FSTL4: variants seen among roughly 807,000 people sequenced by gnomAD.
FSTL4 encodes the protein follistatin like 4.
A neutral mutation model predicts 78.2 loss-of-function variants in FSTL4; 28 were observed. The observed-to-expected ratio is 0.36, with a 90% CI of 0.27 to 0.49. FSTL4 has a LOEUF of 0.49. Among genes scored for constraint, FSTL4 ranks in the 20% least tolerant of loss-of-function variants. The pLI, the probability that FSTL4 is intolerant of heterozygous loss-of-function variation, is 0.98. For missense variants in FSTL4, 922 were observed against 1,084.9 expected, an observed-to-expected ratio of 0.85 and a Z score of 2.11; for synonymous variants, 422 against 440.5, an observed-to-expected ratio of 0.96 and a Z score of 0.53.
chr5:133,438,609 C>T (rs1423019526), intron 3 of FSTL4, among the ~76,000 whole-genome samples: 11 of 152,184 alleles, frequency 7.2e-5, no homozygotes, highest in African/African-American at 2.7e-4. Context: ...CACATGATCA[C>T]AAGTGTGGGA....
intron 4 of FSTL4, among the ~76,000 whole-genome samples, chr5:133,346,174 T>C (rs2126922233): frequency 6.6e-6 from 1 of 151,986 alleles, no homozygotes; most frequent in South Asian, 2.1e-4. Context: ...TTCTTACTCA[T>C]AAGTGGGAGT....
the FSTL4 span, among the ~76,000 whole-genome samples, chr5:133,634,805 C>G: frequency 1.3e-5 from 2 of 152,132 alleles, no homozygotes; most frequent in Admixed American, 6.6e-5. Flanking sequence ...CATGCCTGTT[C>G]CCCCACCGTT....
At chr5:133,455,681 G>T (rs576588390) in intron 3 of FSTL4, among the ~76,000 whole-genome samples, 1 of 152,348 alleles carries the variant, frequency 6.6e-6, no homozygotes, top group Admixed American at 6.5e-5. Context: ...TTTTATGTCA[G>T]CTCAAGACCA....
rs1309565541 is a variant in FSTL4 at position 133,611,438 on chromosome 5, G to A, written c.-11+887C>T. 6.6e-6 allele frequency among the ~76,000 whole-genome samples: 1 copy of A among 152,226 alleles called. No homozygotes were observed. The highest frequency in any genetic ancestry group is 2.4e-5 in the African/African-American group (1 of 41,468). On this transcript the variant is annotated intron_variant, in intron 1 of 15. Coordinates refer to ENST00000265342, the MANE Select transcript of FSTL4 (RefSeq NM_015082.2). The surrounding 1 kb of genome is among the most constrained non-coding windows in gnomAD (Gnocchi z 4.9). ...GTCAGCTCGTCCCCAAACTCGAGGC[G>A]ACAGGCGCCGAAAGCAGAGTGCTGT...
chr5:133,350,394 A>G (rs2126925539), intron 4 of FSTL4, among the ~76,000 whole-genome samples: 1 of 152,366 alleles, frequency 6.6e-6, no homozygotes, highest in South Asian at 2.1e-4. Flanking sequence ...CAGCCCCATG[A>G]GAACCCGCTG....
chr5:133,566,176 C>T (rs897039144), intron 3 of FSTL4, among the ~76,000 whole-genome samples: 1 of 152,162 alleles, frequency 6.6e-6, no homozygotes, highest in Non-Finnish European at 1.5e-5. Flanking sequence ...GGATCCAGCA[C>T]CATGGACAGC....
At chr5:133,243,503 C>A (rs1389946427) in intron 7 of FSTL4, among the ~76,000 whole-genome samples, 2 of 152,202 alleles carry the variant, frequency 1.3e-5, no homozygotes, top group African/African-American at 4.8e-5. Flanking sequence ...ATACATTCCA[C>A]TGGGGCCTGG....
chr5:133,482,551 C>T (rs1248344753), intron 3 of FSTL4, among the ~76,000 whole-genome samples: 3 of 152,214 alleles, frequency 2.0e-5, no homozygotes, highest in Non-Finnish European at 4.4e-5. Context: ...CCATGGTGCA[C>T]TTCTCCCTGC....
At chr5:133,802,472 C>A in the FSTL4 span, among the ~76,000 whole-genome samples, 1 of 152,200 alleles carries the variant, frequency 6.6e-6, no homozygotes, top group African/African-American at 2.4e-5. Context: ...GAAGCAAGAA[C>A]CTTTGTAATG....
intron 7 of FSTL4, among the ~76,000 whole-genome samples, chr5:133,242,494 G>A (rs981403067): frequency 6.6e-6 from 1 of 152,170 alleles, no homozygotes; most frequent in Non-Finnish European, 1.5e-5. Flanking sequence ...GGGGCCGGAA[G>A]TGGTCACTGA....
chr5:133,371,629 T>C (rs1016165917), intron 4 of FSTL4, among the ~76,000 whole-genome samples: 2 of 152,248 alleles, frequency 1.3e-5, no homozygotes, highest in East Asian at 1.9e-4. Flanking sequence ...AGATGATTCA[T>C]GTGCGTAAAT....
chr5:133,343,822 C>A (rs1754639915), intron 4 of FSTL4, among the ~76,000 whole-genome samples: 1 of 151,502 alleles, frequency 6.6e-6, no homozygotes, highest in Non-Finnish European at 1.5e-5. Flanking sequence ...TTAGTTGAGG[C>A]CAGAATCTCA....
the FSTL4 span, among the ~76,000 whole-genome samples, chr5:133,654,005 GA>G: frequency 6.6e-6 from 1 of 152,194 alleles, no homozygotes; most frequent in African/African-American, 2.4e-5. Context: ...TTCTTGCTAT[GA>G]AGGGCCTTGT....
intron 3 of FSTL4, among the ~76,000 whole-genome samples, chr5:133,405,552 A>G (rs1489215327): frequency 6.6e-6 from 1 of 152,176 alleles, no homozygotes; most frequent in Non-Finnish European, 1.5e-5. Flanking sequence ...GGGTTTCTCA[A>G]TGACCCAGAG....
At chr5:133,240,320 T>C (rs1318219086) in intron 7 of FSTL4, among the ~76,000 whole-genome samples, 1 of 152,226 alleles carries the variant, frequency 6.6e-6, no homozygotes, top group Admixed American at 6.5e-5. Flanking sequence ...CTTGCCATCC[T>C]GCAAAGACCT....
At chr5:133,797,477 G>A in the FSTL4 span, among the ~76,000 whole-genome samples, 1 of 152,216 alleles carries the variant, frequency 6.6e-6, no homozygotes, top group Non-Finnish European at 1.5e-5. Flanking sequence ...TGCCACAAAG[G>A]CTCTGTTCCA....
At chr5:133,705,455 C>T in the FSTL4 span, among the ~76,000 whole-genome samples, 1 of 152,172 alleles carries the variant, frequency 6.6e-6, no homozygotes, top group South Asian at 2.1e-4. Flanking sequence ...AATGGTGGGA[C>T]CCTGGCTCTC....
intron 7 of FSTL4, among the ~76,000 whole-genome samples, chr5:133,249,051 G>A (rs1016692499): frequency 1.3e-5 from 2 of 152,212 alleles, no homozygotes; most frequent in East Asian, 3.9e-4. Context: ...GGAGCCTGCT[G>A]CTCTCTCTGC....
intron 13 of FSTL4, among the ~76,000 whole-genome samples, chr5:133,214,021 A>G (rs1750826886): frequency 6.6e-6 from 1 of 152,242 alleles, no homozygotes; most frequent in South Asian, 2.1e-4. Context: ...GATATTTTGT[A>G]AGAATAAAAG....
Sources: allele counts gnomAD v4.1 joint callset (sites outside exome capture counted in the v4.1 genomes callset), GRCh38; gene constraint gnomAD v4.1.1; non-coding constraint Gnocchi (gnomAD v3.1); transcripts MANE v1.5; gene names NCBI Gene and HGNC (gene_info 2026-07-23, HGNC 2026-07-21).